Variants in PPP4R3A observed in about 807,000 individuals in gnomAD.
The protein encoded by PPP4R3A is serine/threonine-protein phosphatase 4 regulatory subunit 3A.
In PPP4R3A, 15 loss-of-function variants were observed where a neutral mutation model predicts 91.7. The observed-to-expected ratio is 0.16, with a 90% CI of 0.11 to 0.25. PPP4R3A has a LOEUF of 0.25. Among genes scored for constraint, PPP4R3A ranks in the 10% least tolerant of loss-of-function variants. PPP4R3A has a pLI of 1.00. For synonymous variants in PPP4R3A, 377 were observed against 348.7 expected (o/e 1.08, Z -0.91); for missense variants, 623 against 998.4 (o/e 0.62, Z 5.07).
At position 91,510,037 on chromosome 14, in the gene PPP4R3A, GGCC is replaced by G. The variant is rs906392775; in HGVS notation, c.-393_-391del. The G allele has an allele frequency of 3.2e-4, 245 of 768,672 alleles. No individual in the cohort carries two copies. Among genetic ancestry groups the G allele is most frequent in the Non-Finnish European group, 3.5e-4 (221 of 629,584 alleles). 47.6% of individuals were successfully genotyped at this position (768,672 alleles called of 1,614,324 possible). Reference sequence around the variant, plus strand: ...TTCCCGCGCCGCCGCCGCCTCCTCAGGCCGCCGCCGCCGCCGCCATATTTTCCT... The same window carrying G: ...TTCCCGCGCCGCCGCCGCCTCCTCAGGCCGCCGCCGCCGCCATATTTTCCT... On this transcript the variant is annotated 5_prime_UTR_variant, in exon 1 of 15. Coordinates refer to ENST00000554943, the MANE Select transcript of PPP4R3A (RefSeq NM_001366432.2).
chr14:91,459,750 G>A (rs963604870), intron 14 of PPP4R3A, among the ~76,000 whole-genome samples: 9 of 151,682 alleles, frequency 5.9e-5, no homozygotes, highest in East Asian at 2.0e-4. Context: ...CACAAGAATC[G>A]CTTTAATCTG....
At position 91,509,660 on chromosome 14, in the gene PPP4R3A, G is replaced by C; in HGVS notation, c.-13C>G. 1 of 1,589,264 alleles carries C rather than the reference G, an allele frequency of 6.3e-7. No homozygotes were observed. Among genetic ancestry groups the C allele is most frequent in the Non-Finnish European group, 8.5e-7 (1 of 1,174,466 alleles). On this transcript the variant is annotated 5_prime_UTR_variant, in exon 1 of 15. Transcript: ENST00000554943. ...GGGTGTCGGTCATCGTGCCGCCCGG[G>C]AACCGGGGCGGGGGCCCCGCCAGTA...
intron 12 of PPP4R3A, 37 bp from the exon 13 acceptor site, chr14:91,462,276 A>G: frequency 3.3e-6 from 5 of 1,499,138 alleles, no homozygotes; most frequent in Non-Finnish European, 4.4e-6. Context: ...ACAATCATAT[A>G]TGGACTTAAT....
chr14:91,482,517 A>G (rs1889632780), intron 3 of PPP4R3A, among the ~76,000 whole-genome samples: 2 of 152,260 alleles, frequency 1.3e-5, no homozygotes, highest in East Asian at 1.9e-4. Context: ...GCCTGATGCT[A>G]AAACAGCCAC....
intron 10 of PPP4R3A, among the ~76,000 whole-genome samples, chr14:91,467,656 C>T (rs1239732120): frequency 6.6e-6 from 1 of 152,064 alleles, no homozygotes; most frequent in Non-Finnish European, 1.5e-5. Flanking sequence ...ATCCAAGGAA[C>T]TTAATAAGGC....
chr14:91,483,224 G>C (rs1487904173), intron 3 of PPP4R3A, among the ~76,000 whole-genome samples: 2 of 152,160 alleles, frequency 1.3e-5, no homozygotes, highest in African/African-American at 4.8e-5. Context: ...AGGCCAAGTA[G>C]AATGGTAAAG....
rs142449418 is a variant in PPP4R3A, at chr14:91,491,923, C to T, written c.143-1121G>A. Among the ~76,000 whole-genome samples, 683 of 152,040 alleles carry T rather than the reference C, an allele frequency of 4.5e-3. 6 individuals carry two copies. Among genetic ancestry groups the T allele is most frequent in the African/African-American group, 0.015 (636 of 41,428 alleles). On this transcript the variant is annotated intron_variant, in intron 1 of 14. Transcript: ENST00000554943. ...ACGGGGTCTCCCTTTATTGCCCAGG[C>T]TGGTCTCTGGGCTCAAACAATCTAC... is the stretch of plus-strand genomic sequence containing the variant.
At chr14:91,481,257 G>C (rs1455608313) in intron 4 of PPP4R3A, among the ~76,000 whole-genome samples, 1 of 152,116 alleles carries the variant, frequency 6.6e-6, no homozygotes, top group African/African-American at 2.4e-5. Flanking sequence ...GTTTCAGCCA[G>C]GGAAGCGAAG....
chr14:91,477,183 A>C (rs1889266715), intron 4 of PPP4R3A, among the ~76,000 whole-genome samples, 197 bp from the exon 5 acceptor site: 1 of 151,066 alleles, frequency 6.6e-6, no homozygotes, highest in Middle Eastern at 3.2e-3. Context: ...TCTATTTTCT[A>C]AGCCTATATA....
chr14:91,488,102 T>C (rs554476525), intron 2 of PPP4R3A, among the ~76,000 whole-genome samples: 12 of 151,974 alleles, frequency 7.9e-5, no homozygotes, highest in East Asian at 5.8e-4. Flanking sequence ...GGAGGGAGGA[T>C]TGCTTGAGGC....
At chr14:91,507,321 C>CA (rs1183658177) in intron 1 of PPP4R3A, among the ~76,000 whole-genome samples, 12 of 131,522 alleles carry the variant, frequency 9.1e-5, no homozygotes, top group South Asian at 4.6e-4. Context: ...AACCCAATCT[C>CA]AAAAAAAAAA....
At chr14:91,499,917 C>A (rs527845094) in intron 1 of PPP4R3A, among the ~76,000 whole-genome samples, 1 of 151,848 alleles carries the variant, frequency 6.6e-6, no homozygotes, top group South Asian at 2.1e-4. Flanking sequence ...GTGCTACCAA[C>A]CCCCACCAAA....
chr14:91,472,996 G>C (rs1317655608), intron 9 of PPP4R3A, 37 bp downstream of exon 9: 3 of 1,588,218 alleles, frequency 1.9e-6, no homozygotes, highest in Non-Finnish European at 2.6e-6. Context: ...CAGCATTCAA[G>C]AACAGAGAAC....
chr14:91,488,050 A>C (rs1890005901), intron 2 of PPP4R3A, among the ~76,000 whole-genome samples: 1 of 152,184 alleles, frequency 6.6e-6, no homozygotes, highest in South Asian at 2.1e-4. Context: ...TAAGCAAGGC[A>C]CAATGGTGTA....
chr14:91,466,211 A>G (rs1888463178), intron 10 of PPP4R3A: 1 of 984,554 alleles, frequency 1.0e-6, no homozygotes, highest in Non-Finnish European at 1.2e-6. Flanking sequence ...TGGAATTATC[A>G]GTAAGTTAAT....
At chr14:91,499,379 A>C (rs538551497) in intron 1 of PPP4R3A, among the ~76,000 whole-genome samples, 6 of 152,196 alleles carry the variant, frequency 3.9e-5, no homozygotes, top group Admixed American at 3.9e-4. Flanking sequence ...TACTGTGTGA[A>C]TAAGTACAGT....
rs558410841 is a variant in PPP4R3A, at chr14:91,461,789, GAGA to G, written c.2165-185_2165-183del. On this transcript the variant is annotated intron_variant, in intron 13 of 14. Transcript: ENST00000554943. ...ATTCCATTCATTGGATCTTACCCCA[GAGA>G]AGAATTGAAACCTTCAGAATCATAT... The G allele has an allele frequency of 1.5e-4, 127 of 829,196 alleles. No individual in the cohort carries two copies. In the African/African-American group the frequency reaches 1.9e-3, roughly 13 times the overall value. 51.4% of individuals were successfully genotyped at this position (829,196 alleles called of 1,614,324 possible).
intron 11 of PPP4R3A, among the ~76,000 whole-genome samples, chr14:91,463,406 A>T (rs1029869223): frequency 6.6e-6 from 1 of 151,756 alleles, no homozygotes; most frequent in Admixed American, 6.6e-5. Context: ...GTCTTGCCCT[A>T]GGTGATTCTG....
chr14:91,469,906 TTA>T (rs1236764255), intron 10 of PPP4R3A, among the ~76,000 whole-genome samples: 1 of 149,604 alleles, frequency 6.7e-6, no homozygotes, highest in African/African-American at 2.4e-5. Context: ...TAATTTATAA[TTA>T]TTTTAATAAT....
Sources: gnomAD v4.1 joint callset for allele counts (sites outside exome capture counted in the v4.1 genomes callset) on GRCh38, gnomAD v4.1.1 for gene constraint, MANE v1.5 for transcripts, NCBI Gene and HGNC (gene_info 2026-07-23, HGNC 2026-07-21) for gene names.